The following CLMN variants were observed in gnomAD, a reference collection of about 807,000 sequenced individuals.
CLMN encodes the protein calmin.
A neutral mutation model predicts 92.7 loss-of-function variants in CLMN; 57 were observed. That is an observed-to-expected ratio of 0.61 (90% CI 0.50 to 0.77). CLMN has a LOEUF of 0.77. Among genes scored for constraint, CLMN ranks in the 30% least tolerant of loss-of-function variants. CLMN has a pLI of 0.00. For synonymous variants in CLMN, 466 were observed against 470.6 expected (o/e 0.99, Z 0.13); for missense variants, 1,158 against 1,237.5 (o/e 0.94, Z 0.96).
In CLMN at chr14:95,183,994, T is replaced by C. The variant is rs1010010214; in HGVS notation, c.*7570A>G. Reference sequence around the variant, plus strand: ...TGAGACAGGGTAGCTCAGAAAAAAGTAATGGATTGGAGAGAGGTTGGAAGA... The same window carrying C: ...TGAGACAGGGTAGCTCAGAAAAAAGCAATGGATTGGAGAGAGGTTGGAAGA... On this transcript the variant is annotated 3_prime_UTR_variant, in exon 13 of 13. Coordinates refer to ENST00000298912, the MANE Select transcript of CLMN (RefSeq NM_024734.4). The C allele has an allele frequency of 6.6e-6, 1 of 152,034 alleles. No homozygotes were observed. The highest frequency in any genetic ancestry group is 1.9e-4 in the East Asian group (1 of 5,184). 9.4% of individuals were successfully genotyped at this position (152,034 alleles called of 1,614,324 possible). A position where few individuals can be genotyped will look rare whatever the true frequency, so the allele number is the denominator to read the frequency against.
chr14:95,226,002 G>A (rs1168294189), intron 2 of CLMN, among the ~76,000 whole-genome samples: 1 of 152,210 alleles, frequency 6.6e-6, no homozygotes, highest in Non-Finnish European at 1.5e-5. Flanking sequence ...CGGAACCTTA[G>A]GCTTCAGCAG....
chr14:95,298,368 C>A (rs1900900926), intron 1 of CLMN, among the ~76,000 whole-genome samples: 1 of 152,180 alleles, frequency 6.6e-6, no homozygotes, highest in Admixed American at 6.5e-5. Flanking sequence ...AGAAGGGCAT[C>A]CTCTTTAGCC....
At chr14:95,239,777 C>A (rs1388878768) in intron 1 of CLMN, among the ~76,000 whole-genome samples, 1 of 152,124 alleles carries the variant, frequency 6.6e-6, no homozygotes, top group South Asian at 2.1e-4. Context: ...GAACCCAGAC[C>A]CCATTTCTGT....
chr14:95,284,349 G>A (rs1327249869), intron 1 of CLMN, among the ~76,000 whole-genome samples: 2 of 152,252 alleles, frequency 1.3e-5, no homozygotes, highest in Non-Finnish European at 2.9e-5. Flanking sequence ...GAAGGGAAAT[G>A]TGGGGTCAGA....
At chr14:95,313,900 T>C (rs1901649640) in intron 1 of CLMN, among the ~76,000 whole-genome samples, 1 of 152,234 alleles carries the variant, frequency 6.6e-6, no homozygotes, top group Admixed American at 6.5e-5. Flanking sequence ...TCTGGGCCTC[T>C]TGGGCAAAGG....
chr14:95,228,272 C>A (rs1489767618), intron 2 of CLMN, among the ~76,000 whole-genome samples: 1 of 152,228 alleles, frequency 6.6e-6, no homozygotes, highest in African/African-American at 2.4e-5. Context: ...GTTCAGTGAT[C>A]TCAGGTTTGG....
chr14:95,218,718 T>G (rs1406781914), intron 4 of CLMN, among the ~76,000 whole-genome samples: 1 of 152,234 alleles, frequency 6.6e-6, no homozygotes, highest in African/African-American at 2.4e-5. Context: ...GGCCATTCAC[T>G]TGTCCTACCT....
chr14:95,243,649 T>C (rs1274267139), intron 1 of CLMN, among the ~76,000 whole-genome samples: 1 of 150,090 alleles, frequency 6.7e-6, no homozygotes. Flanking sequence ...TAAATAGAAA[T>C]AGGTGAAAAA....
chr14:95,221,747 G>T lies in CLMN; in HGVS notation c.268C>A (p.Arg90Ser). 6.2e-7 allele frequency: 1 copy of T among 1,614,114 alleles called. No individual in the cohort carries two copies. Among genetic ancestry groups the T allele is most frequent in the Non-Finnish European group, 8.5e-7 (1 of 1,180,014 alleles). The change falls in exon 4 of 13, where the codon CGT (arginine) becomes AGT (serine). Residue 90 changes from arginine (R) to serine (S), a missense_variant. Arg to Ser is a moderately radical substitution (Grantham distance 110, BLOSUM62 -1). Coordinates refer to ENST00000298912, the MANE Select transcript of CLMN (RefSeq NM_024734.4). Reference sequence around the variant, plus strand: ...GCTATGTTGTTCAACCGAAAAATACGATGCGACGAGGATTTGTATTCGTGC... The same window carrying T: ...GCTATGTTGTTCAACCGAAAAATACTATGCGACGAGGATTTGTATTCGTGC... ...LLHEYKSSSH[R>S]IFRLNNIAKA...
intron 1 of CLMN, among the ~76,000 whole-genome samples, chr14:95,277,394 T>C (rs1899974315): frequency 6.6e-6 from 1 of 152,246 alleles, no homozygotes; most frequent in Non-Finnish European, 1.5e-5. Context: ...TTGTTTTATG[T>C]CCTTGGGAGC....
intron 1 of CLMN, among the ~76,000 whole-genome samples, chr14:95,262,654 C>T (rs1899305353): frequency 6.6e-6 from 1 of 152,164 alleles, no homozygotes; most frequent in Admixed American, 6.5e-5. Flanking sequence ...CAGCCTCATC[C>T]TCTCCAGGCT....
chr14:95,271,422 C>T (rs955648054), intron 1 of CLMN, among the ~76,000 whole-genome samples: 1 of 152,168 alleles, frequency 6.6e-6, no homozygotes, highest in African/African-American at 2.4e-5. Flanking sequence ...CTGAGAGCCA[C>T]GAAGACAGCA....
At chr14:95,264,645 A>G (rs894148187) in intron 1 of CLMN, among the ~76,000 whole-genome samples, 2 of 152,226 alleles carry the variant, frequency 1.3e-5, no homozygotes, top group Non-Finnish European at 2.9e-5. Context: ...TTCTATGAGC[A>G]TGTTTAGAAT....
chr14:95,228,497 T>A (rs1897782843), intron 2 of CLMN, among the ~76,000 whole-genome samples: 1 of 152,226 alleles, frequency 6.6e-6, no homozygotes, highest in South Asian at 2.1e-4. Flanking sequence ...GGTGGCCGAA[T>A]GCCTGCTCGG....
intron 1 of CLMN, among the ~76,000 whole-genome samples, chr14:95,239,451 CCT>C (rs1405341153): frequency 6.6e-6 from 1 of 152,166 alleles, no homozygotes; most frequent in Admixed American, 6.5e-5. Flanking sequence ...CTTCTGGGCC[CCT>C]GACCATGATC....
chr14:95,319,604 G>C (rs1901954247), intron 1 of CLMN, 107 bp downstream of exon 1: 5 of 907,730 alleles, frequency 5.5e-6, no homozygotes, highest in Middle Eastern at 4.5e-4. Context: ...CAGGAACAAC[G>C]AGCGGCCGGC....
chr14:95,249,072 GATTAA>G (rs34921016), intron 1 of CLMN, among the ~76,000 whole-genome samples: 22,740 of 151,966 alleles, frequency 0.15, 2,878 homozygotes, highest in African/African-American at 0.34. Context: ...AAGGCACATG[GATTAA>G]ATTATTCTAT....
In CLMN at chr14:95,256,877, C is replaced by G. The variant is rs930665780; in HGVS notation, c.83-26744G>C. On this transcript the variant is annotated intron_variant, in intron 1 of 12. Transcript: ENST00000298912. The surrounding 1 kb of genome is among the most constrained non-coding windows in gnomAD (Gnocchi z 4.9). ...GAATTGGAGCAGGAGCTTGAAGGCC[C>G]CATGCGGTGTTAGCAGATAGGGAAA... 2.6e-5 allele frequency among the ~76,000 whole-genome samples: 4 copies of G among 152,240 alleles called. No homozygotes were observed.
intron 1 of CLMN, among the ~76,000 whole-genome samples, chr14:95,283,845 A>G (rs1900234832): frequency 6.6e-6 from 1 of 152,248 alleles, no homozygotes. Context: ...CAGTCTGACT[A>G]TGCGATAGAA....
Sources: gnomAD v4.1 joint callset for allele counts (sites outside exome capture counted in the v4.1 genomes callset) on GRCh38, gnomAD v4.1.1 for gene constraint, Gnocchi (gnomAD v3.1) non-coding constraint, MANE v1.5 for transcripts, NCBI Gene and HGNC (gene_info 2026-07-23, HGNC 2026-07-21) for gene names.